IDO2: variants seen among roughly 807,000 people sequenced by gnomAD.
IDO2 encodes the protein indoleamine 2,3-dioxygenase-like 1 protein.
In IDO2, 46 loss-of-function variants were observed where a neutral mutation model predicts 45.1. The observed-to-expected ratio is 1.02, with a 90% CI of 0.80 to 1.30. The LOEUF is 1.30. Among genes scored for constraint, IDO2 ranks in the 50% most tolerant of loss-of-function variants. IDO2 has a pLI of 0.00. For missense variants in IDO2, 544 were observed against 491.8 expected (o/e 1.11, Z -1.00); for synonymous variants, 218 against 184.9 (o/e 1.18, Z -1.45).
At chr8:39,969,106 C>T (rs1808143338) in intron 3 of IDO2, among the ~76,000 whole-genome samples, 1 of 152,054 alleles carries the variant, frequency 6.6e-6, no homozygotes, top group Admixed American at 6.6e-5. Flanking sequence ...TGCGGGTGAA[C>T]AGTTGTGAAA....
chr8:39,976,971 AT>A (rs1482944826), intron 3 of IDO2, among the ~76,000 whole-genome samples: 1 of 152,186 alleles, frequency 6.6e-6, no homozygotes, highest in African/African-American at 2.4e-5. Flanking sequence ...TGTGATTAAT[AT>A]TTTTTATTTA....
chr8:40,013,483 A>T, intron 9 of IDO2, 82 bp from the exon 10 acceptor site: 4 of 1,307,902 alleles, frequency 3.1e-6, no homozygotes, highest in South Asian at 1.4e-5. Context: ...TCCCTTTCTC[A>T]TTCACTCTCA....
intron 1 of IDO2, among the ~76,000 whole-genome samples, chr8:39,935,598 C>T (rs1253118193): frequency 3.3e-5 from 5 of 152,036 alleles, no homozygotes; most frequent in Admixed American, 2.6e-4. Flanking sequence ...TACAGGCGCT[C>T]ACCACCACAC....
chr8:39,985,076 C>T, intron 5 of IDO2: 1 of 306,742 alleles, frequency 3.3e-6, no homozygotes, highest in Non-Finnish European at 6.2e-6. Flanking sequence ...GGATTGCAGG[C>T]ACCTACCACC....
Position 39,983,680 on chromosome 8 carries a change from A to G in IDO2, c.434+910A>G, listed in dbSNP as rs191573982. On this transcript the variant is annotated intron_variant, in intron 5 of 10. Coordinates refer to ENST00000502986, the Ensembl canonical transcript of IDO2. ...GGAGTTGAAGACCAGCCTGGCCAAC[A>G]TGGTGAAACCCCGTCTCTACTAAAA... 5.2e-3 allele frequency among the ~76,000 whole-genome samples: 785 copies of G among 152,290 alleles called. 5 individuals carry two copies. The highest frequency in any genetic ancestry group is 8.2e-3 in the Non-Finnish European group (560 of 68,024).
At chr8:39,985,435 C>G (rs1460690863) in intron 5 of IDO2, 73 bp from the exon 6 acceptor site, 18 of 1,317,074 alleles carry the variant, frequency 1.4e-5, no homozygotes, top group Non-Finnish European at 1.9e-5. Context: ...ATTAATATAT[C>G]TGGTTTACAA....
At position 39,961,480 on chromosome 8, in the gene IDO2, G is replaced by A. The variant is rs560727591; in HGVS notation, c.100-2128G>A. Among the ~76,000 whole-genome samples, 55 of 151,774 alleles carry A rather than the reference G, an allele frequency of 3.6e-4. 1 individual carries two copies. The South Asian group carries it at 9.4e-3, about 26-fold the overall frequency. ...TGGGATTACAGGCATGTGCCAACAC[G>A]CCTGCCTAATTTTTTATTTTTAGTA... On this transcript the variant is annotated intron_variant, in intron 2 of 10. Transcript: ENST00000502986.
chr8:39,989,662 C>A, intron 7 of IDO2, 59 bp from the exon 8 acceptor site: 1 of 1,215,440 alleles, frequency 8.2e-7, no homozygotes, highest in Non-Finnish European at 1.2e-6. Context: ...GAGGCTTACT[C>A]TGCCTGCATG....
chr8:39,948,666 T>C (rs1371516413), intron 1 of IDO2, among the ~76,000 whole-genome samples: 1 of 152,178 alleles, frequency 6.6e-6, no homozygotes, highest in Admixed American at 6.5e-5. Context: ...TCAGGGCTGG[T>C]AGGAAGGATT....
chr8:39,993,377 C>T (rs1801976128), intron 8 of IDO2, among the ~76,000 whole-genome samples: 2 of 152,120 alleles, frequency 1.3e-5, no homozygotes, highest in Non-Finnish European at 2.9e-5. Context: ...ACAGAATTTC[C>T]AGCTTTTGCT....
At chr8:39,986,797 A>C (rs752122549) in intron 6 of IDO2, 12 of 151,898 alleles carry the variant, frequency 7.9e-5, no homozygotes, top group Non-Finnish European at 1.5e-4. Context: ...ATCCAGTGGG[A>C]GGTGACAGGA....
exon 11 of IDO2, chr8:40,015,662 T>C (rs1432317078): frequency 4.0e-6 from 5 of 1,250,168 alleles, no homozygotes; most frequent in South Asian, 1.4e-5. Flanking sequence ...GCCTGGAGAA[T>C]GAGGGTCAGG....
chr8:39,997,651 C>G (rs1395703244), intron 8 of IDO2, among the ~76,000 whole-genome samples: 1 of 151,960 alleles, frequency 6.6e-6, no homozygotes, highest in Non-Finnish European at 1.5e-5. Context: ...AGAGTGAGAC[C>G]CTGTCTCAAT....
At chr8:40,015,366 C>T (rs1431161880) in exon 11 of IDO2, 2 of 1,613,940 alleles carry the variant, frequency 1.2e-6, no homozygotes, top group East Asian at 2.2e-5. Flanking sequence ...GGACCACTTG[C>T]TGACAGCTTA....
chr8:39,980,775 G>A (rs1363190355), intron 4 of IDO2, among the ~76,000 whole-genome samples: 1 of 152,020 alleles, frequency 6.6e-6, no homozygotes, highest in Non-Finnish European at 1.5e-5. Flanking sequence ...TTGATACAGA[G>A]TTTCACTCTT....
chr8:40,007,324 G>T (rs149921970), intron 9 of IDO2, among the ~76,000 whole-genome samples: 8 of 152,210 alleles, frequency 5.3e-5, no homozygotes, highest in Admixed American at 2.0e-4. Flanking sequence ...TCCAGATTGG[G>T]TGTGTTTGAC....
chr8:39,957,380 G>A (rs1234905541), intron 2 of IDO2, among the ~76,000 whole-genome samples: 1 of 152,158 alleles, frequency 6.6e-6, no homozygotes, highest in Non-Finnish European at 1.5e-5. Flanking sequence ...GGGAGGCTGA[G>A]GCAGGAGGAT....
intron 9 of IDO2, among the ~76,000 whole-genome samples, chr8:40,013,056 G>T (rs1190235106): frequency 6.6e-6 from 1 of 152,098 alleles, no homozygotes; most frequent in Non-Finnish European, 1.5e-5. Flanking sequence ...CACTGTTTCA[G>T]GGAAGGGCAA....
At chr8:40,006,432 C>G (rs1378468300) in intron 9 of IDO2, among the ~76,000 whole-genome samples, 3 of 152,096 alleles carry the variant, frequency 2.0e-5, no homozygotes, top group African/African-American at 7.2e-5. Flanking sequence ...CATTTTTTGT[C>G]TTATGATATT....
Sources: allele counts gnomAD v4.1 joint callset (sites outside exome capture counted in the v4.1 genomes callset), GRCh38; gene constraint gnomAD v4.1.1; transcripts MANE v1.5; gene names NCBI Gene and HGNC (gene_info 2026-07-23, HGNC 2026-07-21).